SPTBN1: variants seen among roughly 807,000 people sequenced by gnomAD.
The protein encoded by SPTBN1 is spectrin beta, non-erythrocytic 1.
In SPTBN1, 32 loss-of-function variants were observed where a neutral mutation model predicts 266.4. The observed-to-expected ratio is 0.12, with a 90% CI of 0.09 to 0.16. SPTBN1 has a LOEUF of 0.16. SPTBN1 is among the 10% of genes least tolerant of loss of function. The probability of loss-of-function intolerance (pLI) is 1.00; values close to 1 mark genes in which losing one functional copy is unlikely to be tolerated. For missense variants in SPTBN1, 2,296 were observed against 3,067.1 expected (o/e 0.75, Z 5.94); for synonymous variants, 1,336 against 1,162.2 (o/e 1.15, Z -3.04).
At chr2:54,642,098 A>G (rs1679606292) in intron 18 of SPTBN1, among the ~76,000 whole-genome samples, 1 of 152,150 alleles carries the variant, frequency 6.6e-6, no homozygotes, top group Admixed American at 6.5e-5. Context: ...AGCTCTTCCT[A>G]GGTTAGCAAA....
At chr2:54,596,484 G>T (rs1209854933) in intron 2 of SPTBN1, among the ~76,000 whole-genome samples, 8 of 152,272 alleles carry the variant, frequency 5.3e-5, no homozygotes, top group African/African-American at 1.9e-4. Flanking sequence ...CGTGTGTTAT[G>T]AGGGTGTTGA....
rs762796552 is a variant in SPTBN1, at chr2:54,659,142, A to G, written c.6244-12A>G. 9.9e-6 allele frequency: 16 copies of G among 1,613,432 alleles called. No individual in the cohort carries two copies. The highest frequency in any genetic ancestry group is 4.4e-5 in the South Asian group (4 of 91,054). ...TTGGGACTCTACCAAACATCACTCT[A>G]TTTTCTCTTAGTTGGAGTTACTGGA... On this transcript the variant is annotated splice_polypyrimidine_tract_variant and intron_variant, in intron 30 of 35. Coordinates refer to ENST00000356805, the MANE Select transcript of SPTBN1 (RefSeq NM_003128.3).
At chr2:54,507,906 A>G (rs1052397804) in intron 1 of SPTBN1, among the ~76,000 whole-genome samples, 2 of 151,778 alleles carry the variant, frequency 1.3e-5, no homozygotes, top group Non-Finnish European at 2.9e-5. Flanking sequence ...AACGGCTAGG[A>G]GAGAGTAACT....
chr2:54,472,478 G>C (rs1573218682), intron 1 of SPTBN1, among the ~76,000 whole-genome samples: 1 of 152,196 alleles, frequency 6.6e-6, no homozygotes, highest in African/African-American at 2.4e-5. Context: ...TTCACTTTTA[G>C]ACTTCTTAGT....
chr2:54,597,480 T>G (rs541688757), intron 2 of SPTBN1, among the ~76,000 whole-genome samples: 2 of 152,332 alleles, frequency 1.3e-5, no homozygotes, highest in Admixed American at 1.3e-4. Context: ...TGGTTGGCCT[T>G]TGTCCCTGGG....
chr2:54,489,635 G>A (rs544835120), intron 1 of SPTBN1, among the ~76,000 whole-genome samples: 1 of 152,254 alleles, frequency 6.6e-6, no homozygotes, highest in South Asian at 2.1e-4. Flanking sequence ...GGAGGTGGAG[G>A]TTGCAGTGAG....
At chr2:54,611,214 G>A (rs1455842547) in intron 3 of SPTBN1, among the ~76,000 whole-genome samples, 1 of 151,840 alleles carries the variant, frequency 6.6e-6, no homozygotes, top group Admixed American at 6.6e-5. Context: ...AATTTTTCTG[G>A]TATTTCTAGG....
chr2:54,558,933 G>A lies in SPTBN1; in HGVS notation c.148+32367G>A. Reference sequence around the variant, plus strand: ...CGGGCCTGTCCTGGGTGCCAACGGGGGTTCTTGGAGGCTTTATTTGTGACC... The same window carrying A: ...CGGGCCTGTCCTGGGTGCCAACGGGAGTTCTTGGAGGCTTTATTTGTGACC... On this transcript the variant is annotated intron_variant, in intron 2 of 35. Coordinates refer to ENST00000356805, the MANE Select transcript of SPTBN1 (RefSeq NM_003128.3). The surrounding 1 kb of genome is among the most constrained non-coding windows in gnomAD (Gnocchi z 4.6). 1 of 1,589,342 alleles carries A rather than the reference G, an allele frequency of 6.3e-7. No individual in the cohort carries two copies. Among genetic ancestry groups the A allele is most frequent in the South Asian group, 1.1e-5 (1 of 88,712 alleles).
chr2:54,570,455 CA>C (rs1227732075), intron 2 of SPTBN1, among the ~76,000 whole-genome samples: 1 of 152,120 alleles, frequency 6.6e-6, no homozygotes, highest in Non-Finnish European at 1.5e-5. Flanking sequence ...AGAATGTGAG[CA>C]AAACATAAAT....
chr2:54,525,044 T>C (rs1261423327), intron 1 of SPTBN1, among the ~76,000 whole-genome samples: 1 of 152,236 alleles, frequency 6.6e-6, no homozygotes, highest in Non-Finnish European at 1.5e-5. Context: ...AGGTCCTTAT[T>C]GCGTTCATTT....
chr2:54,619,070 CT>C (rs751773812), intron 7 of SPTBN1, among the ~76,000 whole-genome samples: 9 of 152,190 alleles, frequency 5.9e-5, no homozygotes, highest in Non-Finnish European at 1.0e-4. Context: ...ATCCTCTCAG[CT>C]GTGAACAAAT....
intron 2 of SPTBN1, among the ~76,000 whole-genome samples, chr2:54,546,203 C>T (rs1039610465): frequency 6.6e-6 from 1 of 152,134 alleles, no homozygotes; most frequent in Non-Finnish European, 1.5e-5. Flanking sequence ...TCAGTAAGAA[C>T]CTTGGTCTGT....
chr2:54,640,399 T>TA (rs1207909694), intron 18 of SPTBN1, among the ~76,000 whole-genome samples: 3 of 151,936 alleles, frequency 2.0e-5, no homozygotes, highest in Non-Finnish European at 4.4e-5. Context: ...CCGCCCCTGT[T>TA]ACCACCCCCA....
intron 14 of SPTBN1, 27 bp downstream of exon 14, chr2:54,629,830 G>C (rs1678614601): frequency 6.2e-7 from 1 of 1,611,910 alleles, no homozygotes; most frequent in African/African-American, 1.3e-5. Flanking sequence ...TCAGCCACTG[G>C]CCTGTTCCTT....
intron 4 of SPTBN1, 49 bp from the exon 5 acceptor site, chr2:54,616,158 T>A (rs1168125796): frequency 6.5e-7 from 1 of 1,544,676 alleles, no homozygotes; most frequent in South Asian, 1.1e-5. Flanking sequence ...AGTGGTTCTT[T>A]TAGGCAGCTG....
At position 54,659,207 on chromosome 2, in the gene SPTBN1, G is replaced by C. The variant is rs978123722; in HGVS notation, c.6297G>C (p.Arg2099=). The C allele has an allele frequency of 6.2e-7, 1 of 1,613,956 alleles. No homozygotes were observed. Among genetic ancestry groups the C allele is most frequent in the African/African-American group, 1.3e-5 (1 of 74,918 alleles). Residue 2099 remains arginine (R), a synonymous_variant, in exon 31 of 36, where the codon CGG becomes CGC. Coordinates refer to ENST00000356805, the MANE Select transcript of SPTBN1 (RefSeq NM_003128.3). The part of the protein sequence containing the change: ...RQQEEEERKR[R]PPSPEPSTKV... ...AAGAGGAAGAGGAGAGGAAGAGGCG[G>C]CCGCCTTCTCCCGAGCCGAGCACGA...
chr2:54,521,997 G>T (rs1042582482), intron 1 of SPTBN1, among the ~76,000 whole-genome samples: 1 of 150,946 alleles, frequency 6.6e-6, no homozygotes, highest in Non-Finnish European at 1.5e-5. Context: ...TCCCTGGCTC[G>T]AGTGGTCCTC....
Position 54,668,715 on chromosome 2 carries a change from G to A in SPTBN1, c.*146G>A, listed in dbSNP as rs528469612. Reference sequence around the variant, plus strand: ...TTTTTTAATTTATAGAGCATTTCGGGGGGGGTGGGGGAAACACACCTAAAC... The same window carrying A: ...TTTTTTAATTTATAGAGCATTTCGGAGGGGGTGGGGGAAACACACCTAAAC... On this transcript the variant is annotated 3_prime_UTR_variant, in exon 36 of 36. Coordinates refer to ENST00000356805, the MANE Select transcript of SPTBN1 (RefSeq NM_003128.3). The A allele has an allele frequency of 4.4e-6, 3 of 684,854 alleles. No individual in the cohort carries two copies. Among genetic ancestry groups the A allele is most frequent in the Non-Finnish European group, 6.8e-6 (3 of 438,750 alleles). 42.4% of individuals were successfully genotyped at this position (684,854 alleles called of 1,614,324 possible).
rs1671439505 is a variant in SPTBN1 at position 54,533,936 on chromosome 2, GCACA to G, written c.148+7373_148+7376del. Among the ~76,000 whole-genome samples, 1 of 145,146 alleles carries G rather than the reference GCACA, an allele frequency of 6.9e-6. No individual in the cohort carries two copies. The highest frequency in any genetic ancestry group is 1.5e-5 in the Non-Finnish European group (1 of 65,992). On this transcript the variant is annotated intron_variant, in intron 2 of 35. Coordinates refer to ENST00000356805, the MANE Select transcript of SPTBN1 (RefSeq NM_003128.3). This position sits in a 1 kb window ranked among gnomAD's most constrained non-coding sequence, Gnocchi z 4.2. ...CACACACACACACACACGCACGCAC[GCACA>G]CAAACACACACACCCCAGTCATTTT...
Sources: gnomAD v4.1 joint callset for allele counts (sites outside exome capture counted in the v4.1 genomes callset) on GRCh38, gnomAD v4.1.1 for gene constraint, Gnocchi (gnomAD v3.1) non-coding constraint, MANE v1.5 for transcripts, NCBI Gene and HGNC (gene_info 2026-07-23, HGNC 2026-07-21) for gene names.